PITPNC1: variants seen among roughly 807,000 people sequenced by gnomAD.
PITPNC1 encodes phosphatidylinositol transfer protein cytoplasmic 1, also known as cytoplasmic phosphatidylinositol transfer protein 1.
PITPNC1 carries 18 observed loss-of-function variants against 44.7 expected under a neutral mutation model. The ratio of observed to expected loss-of-function variants is 0.40; its 90% CI spans 0.28 to 0.60. PITPNC1 has a LOEUF of 0.60. Among genes scored for constraint, PITPNC1 ranks in the 20% least tolerant of loss-of-function variants. PITPNC1 has a pLI of 0.39. For missense variants in PITPNC1, 290 were observed against 418.4 expected (o/e 0.69, Z 2.68); for synonymous variants, 141 against 149.6 (o/e 0.94, Z 0.42).
chr17:67,473,525 G>C (rs2039580905), intron 1 of PITPNC1, among the ~76,000 whole-genome samples: 1 of 151,496 alleles, frequency 6.6e-6, no homozygotes, highest in East Asian at 2.0e-4. Context: ...TAGAGACGGG[G>C]TTTCACCGAC....
At position 67,530,085 on chromosome 17, in the gene PITPNC1, CTTTTTTTTTTTT is replaced by C. The variant is rs796278390; in HGVS notation, c.49-2704_49-2693del. On this transcript the variant is annotated intron_variant, in intron 1 of 8. Transcript: ENST00000581322. ...ATCCGGTTCGGACCTCAACCCTTGG[CTTTTTTTTTTTT>C]TTTTTTTTTTTTGAGATGGGGTCTC... 4.2e-3 allele frequency among the ~76,000 whole-genome samples: 300 copies of C among 71,266 alleles called. 1 individual carries two copies. Among genetic ancestry groups the C allele is most frequent in the Middle Eastern group, 0.019 (1 of 52 alleles). 46.8% of individuals were successfully genotyped at this position (71,266 alleles called of 152,430 possible). A position where few individuals can be genotyped will look rare whatever the true frequency, so the allele number is the denominator to read the frequency against.
rs373810450 is a variant in PITPNC1, at chr17:67,425,267, G to GGA, written c.48+47078_48+47079dup. Among the ~76,000 whole-genome samples, 62 of 85,280 alleles carry GGA rather than the reference G, an allele frequency of 7.3e-4. No homozygotes were observed. The East Asian group carries it at 0.012, about 16-fold the overall frequency. The allele number at this position is 85,280 out of a possible 152,430, so 55.9% of individuals were successfully genotyped here. ...CACACACACACACACACACACAGAG[G>GGA]GAGAGAGAGAGAGAAATGACCTCTC... On this transcript the variant is annotated intron_variant, in intron 1 of 8. Coordinates refer to ENST00000581322, the MANE Select transcript of PITPNC1 (RefSeq NM_012417.4).
At chr17:67,662,735 C>A (rs184003094) in intron 6 of PITPNC1, among the ~76,000 whole-genome samples, 33 of 152,188 alleles carry the variant, frequency 2.2e-4, no homozygotes, top group Admixed American at 1.8e-3. Context: ...TTCTGAAGCT[C>A]ATCTGTGTTG....
intron 4 of PITPNC1, among the ~76,000 whole-genome samples, chr17:67,572,207 C>T (rs1466505184): frequency 4.6e-5 from 7 of 152,092 alleles, no homozygotes; most frequent in African/African-American, 1.7e-4. Context: ...GTTTTTTCCA[C>T]CCCCACACTC....
chr17:67,384,959 A>G (rs539752469), intron 1 of PITPNC1, among the ~76,000 whole-genome samples: 2 of 152,366 alleles, frequency 1.3e-5, no homozygotes, highest in South Asian at 4.1e-4. Context: ...ATAATTCTAT[A>G]AAAAGTTTTC....
chr17:67,541,414 T>C (rs2040606046), intron 2 of PITPNC1, among the ~76,000 whole-genome samples: 1 of 151,956 alleles, frequency 6.6e-6, no homozygotes, highest in Admixed American at 6.6e-5. Flanking sequence ...CAATGGCCTG[T>C]TTGAAAGAAA....
intron 3 of PITPNC1, 39 bp from the exon 4 acceptor site, chr17:67,553,571 T>C (rs1261022358): frequency 9.2e-7 from 1 of 1,084,598 alleles, no homozygotes; most frequent in East Asian, 2.7e-5. Context: ...TTGTCTCTTT[T>C]TTCTTTCCTC....
chr17:67,469,634 T>C (rs1398659347), intron 1 of PITPNC1, among the ~76,000 whole-genome samples: 1 of 152,126 alleles, frequency 6.6e-6, no homozygotes, highest in Non-Finnish European at 1.5e-5. Context: ...ATCAGGGCCC[T>C]GCTGGCTACT....
At chr17:67,544,353 G>A (rs1001704212) in intron 2 of PITPNC1, among the ~76,000 whole-genome samples, 2 of 151,910 alleles carry the variant, frequency 1.3e-5, no homozygotes, top group East Asian at 3.9e-4. Context: ...TTTTCACTTC[G>A]TCGCTAGCAT....
At chr17:67,511,663 C>T (rs2040186550) in intron 1 of PITPNC1, among the ~76,000 whole-genome samples, 2 of 152,118 alleles carry the variant, frequency 1.3e-5, no homozygotes, top group Admixed American at 1.3e-4. Context: ...CACTCACCAC[C>T]ACGCCCAGCT....
intron 5 of PITPNC1, among the ~76,000 whole-genome samples, chr17:67,616,542 C>G (rs1338167771): frequency 1.3e-4 from 20 of 152,172 alleles, no homozygotes. Flanking sequence ...ACTCTGATCA[C>G]TGCCCCTTGA....
At chr17:67,406,710 C>T (rs1435071582) in intron 1 of PITPNC1, among the ~76,000 whole-genome samples, 1 of 151,936 alleles carries the variant, frequency 6.6e-6, no homozygotes, top group African/African-American at 2.4e-5. Flanking sequence ...CCTCAGCCTC[C>T]CGAGTAGCTG....
chr17:67,688,670 T>G (rs1283706806), intron 8 of PITPNC1, among the ~76,000 whole-genome samples: 1 of 152,154 alleles, frequency 6.6e-6, no homozygotes, highest in African/African-American at 2.4e-5. Context: ...TTAAGGAAAC[T>G]CTCCTTGAAT....
intron 6 of PITPNC1, among the ~76,000 whole-genome samples, chr17:67,645,103 G>A (rs2144356541): frequency 6.6e-6 from 1 of 152,258 alleles, no homozygotes; most frequent in East Asian, 1.9e-4. Context: ...CACTTTGGGA[G>A]GCCGAGGCAG....
intron 5 of PITPNC1, 102 bp downstream of exon 5, chr17:67,578,359 G>A: frequency 1.3e-6 from 1 of 774,650 alleles, no homozygotes. Flanking sequence ...TGGGACCTGT[G>A]CCTGGGACCT....
chr17:67,493,943 C>A (rs1236438569), intron 1 of PITPNC1, among the ~76,000 whole-genome samples: 1 of 152,198 alleles, frequency 6.6e-6, no homozygotes, highest in Non-Finnish European at 1.5e-5. Flanking sequence ...TCTTCCCATA[C>A]AAACATTTTA....
At chr17:67,427,933 A>T (rs1435912956) in intron 1 of PITPNC1, among the ~76,000 whole-genome samples, 1 of 152,174 alleles carries the variant, frequency 6.6e-6, no homozygotes, top group East Asian at 1.9e-4. Context: ...GTCTAAGGGC[A>T]TTCCCCCATT....
intron 1 of PITPNC1, among the ~76,000 whole-genome samples, chr17:67,442,347 C>G (rs1598667592): frequency 6.7e-6 from 1 of 149,202 alleles, no homozygotes; most frequent in Non-Finnish European, 1.5e-5. Context: ...TCATGTTGTC[C>G]AATCTGTAAT....
At chr17:67,509,072 A>G (rs1160622906) in intron 1 of PITPNC1, among the ~76,000 whole-genome samples, 1 of 151,798 alleles carries the variant, frequency 6.6e-6, no homozygotes, top group Admixed American at 6.6e-5. Flanking sequence ...CGTCTCTACT[A>G]AAAATACAAA....
Sources: allele counts gnomAD v4.1 joint callset (sites outside exome capture counted in the v4.1 genomes callset), GRCh38; gene constraint gnomAD v4.1.1; transcripts MANE v1.5; gene names NCBI Gene and HGNC (gene_info 2026-07-23, HGNC 2026-07-21).